Variants in CRACD observed in about 807,000 individuals in gnomAD.
CRACD encodes capping protein-inhibiting regulator of actin dynamics.
In CRACD, 56 loss-of-function variants were observed where a neutral mutation model predicts 106.8. The observed-to-expected ratio is 0.52, with a 90% CI of 0.42 to 0.66. The LOEUF (loss-of-function observed/expected upper bound fraction) is 0.66, where lower values mean the gene tolerates loss of function less well. Among genes scored for constraint, CRACD ranks in the 30% least tolerant of loss-of-function variants. CRACD has a pLI of 0.00. For synonymous variants in CRACD, 754 were observed against 670.8 expected, an observed-to-expected ratio of 1.12 and a Z score of -1.92; for missense variants, 1,730 against 1,623.2, an observed-to-expected ratio of 1.07 and a Z score of -1.13.
chr4:56,105,799 G>A (rs1733931325), intron 1 of CRACD, among the ~76,000 whole-genome samples: 1 of 152,126 alleles, frequency 6.6e-6, no homozygotes, highest in South Asian at 2.1e-4. Context: ...AAATATCTGT[G>A]ATGTTTGTTG....
chr4:56,239,699 A>C (rs1444338230), intron 2 of CRACD, among the ~76,000 whole-genome samples: 2 of 152,166 alleles, frequency 1.3e-5, no homozygotes, highest in East Asian at 3.9e-4. Context: ...AGATATTGTC[A>C]AGTTAAATAA....
chr4:56,284,545 T>C (rs11726360), intron 3 of CRACD, among the ~76,000 whole-genome samples: 4 of 151,950 alleles, frequency 2.6e-5, no homozygotes, highest in Non-Finnish European at 5.9e-5. Context: ...GCCAACATGG[T>C]GAAACCCCAT....
At chr4:56,155,162 C>T (rs902100530) in intron 1 of CRACD, among the ~76,000 whole-genome samples, 2 of 151,944 alleles carry the variant, frequency 1.3e-5, no homozygotes, top group African/African-American at 4.8e-5. Context: ...GGCAGATTGG[C>T]ACAAGTCTTT....
chr4:56,248,715 T>G (rs1286227046), intron 2 of CRACD, among the ~76,000 whole-genome samples: 7 of 112,586 alleles, frequency 6.2e-5, no homozygotes, highest in African/African-American at 2.1e-4. Flanking sequence ...CCCAAAGCTA[T>G]CCCTCCCCCC....
At chr4:56,249,997 T>C (rs1187877990) in intron 2 of CRACD, among the ~76,000 whole-genome samples, 1 of 152,208 alleles carries the variant, frequency 6.6e-6, no homozygotes, top group Non-Finnish European at 1.5e-5. Flanking sequence ...AGTCCTGGGA[T>C]TTGGGTAAAA....
At chr4:56,279,487 A>G (rs1450870083) in intron 3 of CRACD, among the ~76,000 whole-genome samples, 3 of 152,250 alleles carry the variant, frequency 2.0e-5, no homozygotes, top group African/African-American at 7.2e-5. Context: ...GGCGAAGGAT[A>G]TGAACAGACA....
intron 1 of CRACD, among the ~76,000 whole-genome samples, chr4:56,079,633 T>C (rs959306250): frequency 7.2e-5 from 11 of 152,022 alleles, no homozygotes; most frequent in Non-Finnish European, 1.5e-4. Context: ...TTAGTAGAGA[T>C]GGGGTTTCAC....
At chr4:56,286,724 C>T (rs1010595028) in intron 3 of CRACD, among the ~76,000 whole-genome samples, 3 of 151,984 alleles carry the variant, frequency 2.0e-5, no homozygotes, top group Non-Finnish European at 2.9e-5. Flanking sequence ...TGCAGATTCC[C>T]GTTAACATCT....
intron 2 of CRACD, among the ~76,000 whole-genome samples, chr4:56,266,710 C>T (rs1198705789): frequency 6.6e-6 from 1 of 152,196 alleles, no homozygotes; most frequent in East Asian, 1.9e-4. Flanking sequence ...AAAATAGCTG[C>T]TACTGATGAC....
chr4:56,263,603 G>T (rs998863187), intron 2 of CRACD, among the ~76,000 whole-genome samples: 14 of 152,096 alleles, frequency 9.2e-5, no homozygotes, highest in African/African-American at 3.1e-4. Context: ...TTGGATTGTG[G>T]CCCACCCTAC....
intron 1 of CRACD, among the ~76,000 whole-genome samples, chr4:56,173,470 T>C (rs1261009905): frequency 6.6e-6 from 1 of 152,244 alleles, no homozygotes; most frequent in Non-Finnish European, 1.5e-5. Flanking sequence ...TGCTTTCTCA[T>C]CAGCAAATGG....
chr4:56,058,437 G>A (rs1031741501), intron 1 of CRACD, among the ~76,000 whole-genome samples: 1 of 152,176 alleles, frequency 6.6e-6, no homozygotes, highest in Non-Finnish European at 1.5e-5. Flanking sequence ...TTTTTGGAAG[G>A]AGGAGAACTG....
intron 1 of CRACD, among the ~76,000 whole-genome samples, chr4:56,143,267 T>G (rs980653281): frequency 6.6e-6 from 1 of 152,096 alleles, no homozygotes; most frequent in African/African-American, 2.4e-5. Context: ...CTTGAAAAAC[T>G]TAATGAAAAC....
chr4:56,316,742 GCAT>G (rs1745697988), intron 8 of CRACD, 53 bp downstream of exon 8: 2 of 1,542,712 alleles, frequency 1.3e-6, no homozygotes, highest in African/African-American at 1.4e-5. Flanking sequence ...CAGAGCCAGG[GCAT>G]CAAGAAGAGA....
intron 2 of CRACD, among the ~76,000 whole-genome samples, chr4:56,220,021 T>TA (rs1325504324): frequency 1.3e-5 from 2 of 151,994 alleles, no homozygotes; most frequent in Admixed American, 1.3e-4. Context: ...AGAAAGGAAA[T>TA]AAGATTATAT....
chr4:56,089,408 C>T (rs1178999482), intron 1 of CRACD, among the ~76,000 whole-genome samples: 1 of 152,078 alleles, frequency 6.6e-6, no homozygotes, highest in Admixed American at 6.6e-5. Flanking sequence ...AGAGTGTCTA[C>T]TGTTAAGTTG....
chr4:56,164,499 G>A (rs182660704), intron 1 of CRACD, among the ~76,000 whole-genome samples: 15 of 152,270 alleles, frequency 9.9e-5, no homozygotes, highest in East Asian at 3.9e-4. Flanking sequence ...CTACTGATAC[G>A]TGCAACAACA....
At chr4:56,202,193 T>A (rs2109475618) in intron 2 of CRACD, among the ~76,000 whole-genome samples, 1 of 152,320 alleles carries the variant, frequency 6.6e-6, no homozygotes, top group African/African-American at 2.4e-5. Context: ...ATTTTATGTT[T>A]TAAAAAAATT....
intron 1 of CRACD, among the ~76,000 whole-genome samples, chr4:56,172,729 T>C: frequency 6.6e-6 from 1 of 151,232 alleles, no homozygotes; most frequent in Non-Finnish European, 1.5e-5. Context: ...GTTCAAGCGA[T>C]TCTCTTGCCT....
Sources: allele counts gnomAD v4.1 joint callset (sites outside exome capture counted in the v4.1 genomes callset), GRCh38; gene constraint gnomAD v4.1.1; transcripts MANE v1.5; gene names NCBI Gene and HGNC (gene_info 2026-07-23, HGNC 2026-07-21).